Variants in FBH1 observed in about 807,000 individuals in gnomAD.
FBH1 encodes the protein F-box DNA helicase 1, also known as DNA 3'-5' helicase 1.
Under a neutral mutation model 115.5 loss-of-function variants are expected in FBH1, and 43 were observed. That is an observed-to-expected ratio of 0.37 (90% CI 0.29 to 0.48). The LOEUF (loss-of-function observed/expected upper bound fraction) is 0.48, where lower values mean the gene tolerates loss of function less well. Ranked by LOEUF, FBH1 falls within the 20% of genes least tolerant of loss-of-function variation. The probability of loss-of-function intolerance (pLI) is 0.99; values close to 1 mark genes in which losing one functional copy is unlikely to be tolerated. For missense variants in FBH1, 1,001 were observed against 1,337.3 expected (o/e 0.75, Z 3.92); for synonymous variants, 524 against 507.8 (o/e 1.03, Z -0.43).
chr10:5,929,789 T>TA (rs1207079681), intron 19 of FBH1: 2 of 152,212 alleles, frequency 1.3e-5, no homozygotes, highest in African/African-American at 4.8e-5. Context: ...AGTGTGACTT[T>TA]AAAAAATCTC....
rs911489463 is a variant in FBH1, at chr10:5,914,814, T to G, written c.1396+545T>G. On this transcript the variant is annotated intron_variant, in intron 8 of 20. Coordinates refer to ENST00000362091, the MANE Select transcript of FBH1 (RefSeq NM_178150.3). This position sits in a 1 kb window ranked among gnomAD's most constrained non-coding sequence, Gnocchi z 5.2. Reference sequence around the variant, plus strand: ...TATTTTTTTTCTGCCTGTAATCCCTTCCTGCTCCTTTTGTGGCTAAATACC... The same window carrying G: ...TATTTTTTTTCTGCCTGTAATCCCTGCCTGCTCCTTTTGTGGCTAAATACC... Among the ~76,000 whole-genome samples the G allele has an allele frequency of 1.3e-5, 2 of 152,188 alleles. No individual in the cohort carries two copies. Among genetic ancestry groups the G allele is most frequent in the African/African-American group, 4.8e-5 (2 of 41,446 alleles).
In FBH1 at chr10:5,936,504, G is replaced by A. The variant is rs200231278; in HGVS notation, c.2878G>A (p.Val960Met). 19 of 1,614,110 alleles carry A rather than the reference G, an allele frequency of 1.2e-5. No homozygotes were observed. In the East Asian group the frequency reaches 3.3e-4, roughly 28 times the overall value. The stretch of plus-strand genomic sequence containing the variant: ...GACAAGCAACGTCTTAAAAACAGGC[G>A]TGGTGCGCTGCTGCGTGGGACAGTG... ...ELTSNVLKTG[V>M]VRCCVGQCNN... Residue 960 changes from valine (V) to methionine (M), a missense_variant, in exon 20 of 21, where the codon GTG becomes ATG. By Grantham distance (21) the Val-to-Met change is conservative. Coordinates refer to ENST00000362091, the MANE Select transcript of FBH1 (RefSeq NM_178150.3). This position sits in a 1 kb window ranked among gnomAD's most constrained non-coding sequence, Gnocchi z 5.6.
In FBH1 at chr10:5,916,287, A is replaced by C. The variant is rs752739979; in HGVS notation, c.1619A>C (p.Asn540Thr). Residue 540 changes from asparagine to threonine, a missense_variant, in exon 10 of 21, where the codon AAC (asparagine) becomes ACC (threonine). Physicochemically the swap from Asn to Thr is moderately conservative, Grantham distance 65. This residue lies in a region of FBH1 where 521 missense variants were observed against 811.0 expected (regional missense o/e 0.64). Transcript: ENST00000362091. ...NLFKLTPFMV[N>T]SVLAEGKGGF... is the part of the protein sequence containing the mutation. ...TTCAAGTTAACACCCTTCATGGTCA[A>C]CTCCGTCCTTGCTGAAGGGAAGGGT... 1 of 1,614,120 alleles carries C rather than the reference A, an allele frequency of 6.2e-7. No individual in the cohort carries two copies. Among genetic ancestry groups the C allele is most frequent in the African/African-American group, 1.3e-5 (1 of 75,022 alleles).
At chr10:5,894,522 T>C in intron 1 of FBH1, 1 of 874,076 alleles carries the variant, frequency 1.1e-6, no homozygotes, top group Non-Finnish European at 2.0e-6. Flanking sequence ...GCAAGTCCTC[T>C]CTGAGCCCCA....
Position 5,921,589 on chromosome 10 carries a change from G to T in FBH1, c.2322+20G>T. 1 of 1,588,062 alleles carries T rather than the reference G, an allele frequency of 6.3e-7. No homozygotes were observed. Among genetic ancestry groups the T allele is most frequent in the South Asian group, 1.2e-5 (1 of 85,700 alleles). ...ATTGGGGTAAGAGTACATTTCTGTT[G>T]ACCACTTCATGCACAGAAACGTTGT... On this transcript the variant is annotated intron_variant, in intron 15 of 20. Transcript: ENST00000362091. The surrounding 1 kb of genome is among the most constrained non-coding windows in gnomAD (Gnocchi z 6.4).
rs750023462 is a variant in FBH1, at chr10:5,921,718, C to G, written c.2322+149C>G. The G allele has an allele frequency of 2.1e-4, 214 of 1,030,420 alleles. 1 individual carries two copies. Among genetic ancestry groups the G allele is most frequent in the Non-Finnish European group, 8.0e-5 (59 of 739,610 alleles). 63.8% of individuals were successfully genotyped at this position (1,030,420 alleles called of 1,614,324 possible). Reference sequence around the variant, plus strand: ...CACCAGGCTGCACCATGAGTGGTCTCTATCCCAGGCCATTCTGATTATGCC... The same window carrying G: ...CACCAGGCTGCACCATGAGTGGTCTGTATCCCAGGCCATTCTGATTATGCC... On this transcript the variant is annotated intron_variant, in intron 15 of 20. Coordinates refer to ENST00000362091, the MANE Select transcript of FBH1 (RefSeq NM_178150.3). This position sits in a 1 kb window ranked among gnomAD's most constrained non-coding sequence, Gnocchi z 6.4.
intron 19 of FBH1, chr10:5,929,649 A>G (rs1832860752): frequency 6.6e-6 from 1 of 152,224 alleles, no homozygotes; most frequent in South Asian, 2.1e-4. Context: ...CCACTGCTGT[A>G]GTGCGAGAGC....
intron 9 of FBH1, 122 bp from the exon 10 acceptor site, chr10:5,916,112 A>T: frequency 1.2e-6 from 1 of 853,978 alleles, no homozygotes; most frequent in Non-Finnish European, 1.8e-6. Context: ...TTAAAACATT[A>T]ACACTCGCCT....
intron 1 of FBH1, among the ~76,000 whole-genome samples, chr10:5,899,572 G>C (rs1292505956): frequency 6.6e-6 from 1 of 152,164 alleles, no homozygotes; most frequent in East Asian, 1.9e-4. Flanking sequence ...TGTTTGAGGA[G>C]AGAGAAAAGC....
At chr10:5,922,514 T>A (rs1031508581) in intron 15 of FBH1, among the ~76,000 whole-genome samples, 2 of 152,246 alleles carry the variant, frequency 1.3e-5, no homozygotes, top group African/African-American at 4.8e-5. Flanking sequence ...TTTTGGAATA[T>A]CATACACACT....
chr10:5,903,240 TA>T (rs772716276), intron 2 of FBH1, 65 bp downstream of exon 2: 1 of 1,299,688 alleles, frequency 7.7e-7, no homozygotes, highest in Non-Finnish European at 1.0e-6. Context: ...GACTATCTCC[TA>T]GTTTAAAAGT....
At position 5,924,278 on chromosome 10, in the gene FBH1, T is replaced by C; in HGVS notation, c.2399-33T>C. 2.5e-6 allele frequency: 4 copies of C among 1,607,426 alleles called. No individual in the cohort carries two copies. The highest frequency in any genetic ancestry group is 3.4e-6 in the Non-Finnish European group (4 of 1,174,274). ...TGCCACCATCTGTTAGTGGAGCTTGTGTCACCTTAATTTGTGTGTATATTC... is the reference window on the plus strand; with the variant it reads ...TGCCACCATCTGTTAGTGGAGCTTGCGTCACCTTAATTTGTGTGTATATTC... On this transcript the variant is annotated intron_variant, in intron 16 of 20. Coordinates refer to ENST00000362091, the MANE Select transcript of FBH1 (RefSeq NM_178150.3). The surrounding 1 kb of genome is among the most constrained non-coding windows in gnomAD (Gnocchi z 6.2).
In FBH1 at chr10:5,917,492, C is replaced by T. The variant is rs1193134982; in HGVS notation, c.1861C>T (p.Gln621Ter). ...GGGGGAGTGCACAGAAGAGGCGCAC[C>T]AGATGACTCATGACGGTAGGCGGCT... is the stretch of plus-strand genomic sequence containing the variant. ...KLGECTEEAH[Q>*]MTHDGYLKLW... Residue 621 changes from glutamine (Q) to a stop codon, truncating the protein, a stop_gained, in exon 11 of 21, where the codon CAG becomes TAG. Transcript: ENST00000362091. LOFTEE classifies it high-confidence loss of function. The surrounding 1 kb of genome is among the most constrained non-coding windows in gnomAD (Gnocchi z 5.6). 2 of 1,614,180 alleles carry T rather than the reference C, an allele frequency of 1.2e-6. No individual in the cohort carries two copies. The highest frequency in any genetic ancestry group is 1.7e-6 in the Non-Finnish European group (2 of 1,180,010).
intron 1 of FBH1, among the ~76,000 whole-genome samples, chr10:5,898,800 C>G (rs1350800460): frequency 2.0e-5 from 3 of 152,200 alleles, no homozygotes; most frequent in African/African-American, 7.2e-5. Context: ...ATGGCACAGA[C>G]TATATGTCTG....
At chr10:5,912,688 C>G (rs973653716) in intron 6 of FBH1, among the ~76,000 whole-genome samples, 1 of 152,222 alleles carries the variant, frequency 6.6e-6, no homozygotes, top group Non-Finnish European at 1.5e-5. Flanking sequence ...TGCCGCATCC[C>G]CACAGGGTGG....
intron 2 of FBH1, among the ~76,000 whole-genome samples, chr10:5,905,471 T>A (rs1309028841): frequency 6.6e-6 from 1 of 152,120 alleles, no homozygotes; most frequent in African/African-American, 2.4e-5. Context: ...TGAGCCAAGA[T>A]CACACCACTG....
intron 1 of FBH1, among the ~76,000 whole-genome samples, chr10:5,894,887 GAC>G (rs1842923194): frequency 1.3e-5 from 2 of 152,134 alleles, no homozygotes; most frequent in African/African-American, 4.8e-5. Flanking sequence ...ATTCATATAA[GAC>G]ACATGTTAAA....
At position 5,911,735 on chromosome 10, in the gene FBH1, G is replaced by C. The variant is rs193151481; in HGVS notation, c.1211+607G>C. On this transcript the variant is annotated intron_variant, in intron 6 of 20. Transcript: ENST00000362091. The surrounding 1 kb of genome is among the most constrained non-coding windows in gnomAD (Gnocchi z 5.4). Reference sequence around the variant, plus strand: ...GTGAGGGAAGACAGGTCCTATGTAAGTAAATGTGTGAAATGGCATTTTAGT... The same window carrying C: ...GTGAGGGAAGACAGGTCCTATGTAACTAAATGTGTGAAATGGCATTTTAGT... 2.4e-3 allele frequency among the ~76,000 whole-genome samples: 368 copies of C among 152,328 alleles called. 2 individuals carry two copies. Among genetic ancestry groups the C allele is most frequent in the African/African-American group, 8.4e-3 (350 of 41,560 alleles).
rs764281895 is a variant in FBH1 at position 5,906,513 on chromosome 10, A to G, written c.634A>G (p.Ile212Val). 12 of 1,613,870 alleles carry G rather than the reference A, an allele frequency of 7.4e-6. No homozygotes were observed. Among genetic ancestry groups the G allele is most frequent in the Non-Finnish European group, 1.0e-5 (12 of 1,179,972 alleles). Reference protein sequence around the residue: ...TLPCQEALSHICSLPSEVLRH... With the variant: ...TLPCQEALSHVCSLPSEVLRH... ...GCCCTGCCAGGAAGCACTGAGCCAC[A>G]TTTGCAGCCTGCCTAGTGAGGTCCT... The change falls in exon 3 of 21, where the codon ATT (isoleucine) becomes GTT (valine). Residue 212 changes from isoleucine to valine, a missense_variant. Physicochemically the swap from Ile to Val is conservative, Grantham distance 29 (BLOSUM62 3). Around this residue, in one of 4 missense-constraint regions of FBH1, gnomAD observed 420 missense variants for 430.4 expected, o/e 0.98. Coordinates refer to ENST00000362091, the MANE Select transcript of FBH1 (RefSeq NM_178150.3). This position sits in a 1 kb window ranked among gnomAD's most constrained non-coding sequence, Gnocchi z 7.3.
Sources: allele counts gnomAD v4.1 joint callset (sites outside exome capture counted in the v4.1 genomes callset), GRCh38; gene constraint gnomAD v4.1.1; regional missense constraint gnomAD v4.1.1; non-coding constraint Gnocchi (gnomAD v3.1); transcripts MANE v1.5; gene names NCBI Gene and HGNC (gene_info 2026-07-23, HGNC 2026-07-21).